Variants in BCO2 observed in about 807,000 individuals in gnomAD.
BCO2 encodes beta-carotene oxygenase 2.
In BCO2, 56 loss-of-function variants were observed where a neutral mutation model predicts 65.8. The observed-to-expected ratio is 0.85, with a 90% CI of 0.69 to 1.06. The LOEUF (loss-of-function observed/expected upper bound fraction) is 1.06, where lower values mean the gene tolerates loss of function less well. BCO2 is among the 50% of genes least tolerant of loss of function. The pLI is 0.00. For synonymous variants in BCO2, 233 were observed against 242.3 expected (o/e 0.96, Z 0.36); for missense variants, 675 against 698.5 (o/e 0.97, Z 0.38).
Position 112,199,792 on chromosome 11 carries a change from C to G in BCO2, c.830C>G (p.Thr277Arg), listed in dbSNP as rs202014484. Residue 277 changes from threonine (T) to arginine (R), a missense_variant, in exon 6 of 12, where the codon ACA (threonine) becomes AGA (arginine). By Grantham distance (71) the Thr-to-Arg change is moderately conservative. Transcript: ENST00000357685. ...CAGGTGATATGTTCTATTGCTTCTACAGAGAAAGGGAAACCTTCTTACTAC... is the reference window on the plus strand; with the variant it reads ...CAGGTGATATGTTCTATTGCTTCTAGAGAGAAAGGGAAACCTTCTTACTAC... ...GVQVICSIAS[T>R]EKGKPSYYHS... 2.4e-4 allele frequency: 388 copies of G among 1,613,894 alleles called. No homozygotes were observed. Among genetic ancestry groups the G allele is most frequent in the Middle Eastern group, 1.3e-3 (8 of 6,084 alleles).
intron 11 of BCO2, among the ~76,000 whole-genome samples, chr11:112,217,243 C>T (rs891417224): frequency 4.6e-5 from 7 of 152,358 alleles, no homozygotes; most frequent in African/African-American, 1.7e-4. Context: ...ATATCCTTTC[C>T]AGTCCAGTTC....
intron 8 of BCO2, among the ~76,000 whole-genome samples, chr11:112,211,641 T>A (rs190627499): frequency 3.9e-5 from 6 of 152,292 alleles, no homozygotes; most frequent in East Asian, 3.9e-4. Flanking sequence ...TTCTGGGTTT[T>A]AAAAAAATAA....
intron 8 of BCO2, among the ~76,000 whole-genome samples, chr11:112,206,606 A>T (rs1859348606): frequency 6.6e-6 from 1 of 152,240 alleles, no homozygotes; most frequent in Non-Finnish European, 1.5e-5. Flanking sequence ...AAAAAAATTT[A>T]AAAATATACA....
chr11:112,181,796 CA>C (rs1867058378), intron 2 of BCO2: 2 of 846,824 alleles, frequency 2.4e-6, no homozygotes, highest in Non-Finnish European at 2.1e-6. Flanking sequence ...ACATTCACTT[CA>C]AAATGGCCAG....
chr11:112,193,415 T>C, intron 2 of BCO2, 59 bp from the exon 3 acceptor site: 1 of 1,415,464 alleles, frequency 7.1e-7, no homozygotes, highest in Non-Finnish European at 9.9e-7. Context: ...TATCACTCTG[T>C]CCCTCATTTT....
At chr11:112,192,949 G>T (rs1347562742) in intron 2 of BCO2, among the ~76,000 whole-genome samples, 2 of 4,982 alleles carry the variant, frequency 4.0e-4, no homozygotes, top group Non-Finnish European at 1.3e-3. Context: ...TTTTTGACAG[G>T]GGTAAGGGTC....
rs539947425 is a variant in BCO2, at chr11:112,179,465, C to A, written c.276C>A (p.Phe92Leu). 183 of 1,613,948 alleles carry A rather than the reference C, an allele frequency of 1.1e-4. 2 individuals carry two copies. The South Asian group carries it at 1.9e-3, about 17-fold the overall frequency. ...GSLLRIGPGK[F>L]EFGKDKYNHW... ...TACTTCGAATTGGACCTGGGAAATT[C>A]GAGTTTGGGAAGGATAAGTAAGCCT... Residue 92 changes from phenylalanine to leucine, a missense_variant, in exon 2 of 12, where the codon TTC (phenylalanine) becomes TTA (leucine). Phe to Leu is a conservative substitution (Grantham distance 22). Coordinates refer to ENST00000357685, the MANE Select transcript of BCO2 (RefSeq NM_031938.7).
intron 8 of BCO2, among the ~76,000 whole-genome samples, chr11:112,211,910 T>TACC: frequency 6.6e-6 from 1 of 152,354 alleles, no homozygotes; most frequent in East Asian, 1.9e-4. Flanking sequence ...GGGTAGTTGA[T>TACC]CCATATAATG....
intron 5 of BCO2, among the ~76,000 whole-genome samples, chr11:112,198,026 C>A (rs1867628412): frequency 6.6e-6 from 1 of 152,218 alleles, no homozygotes; most frequent in Non-Finnish European, 1.5e-5. Context: ...TTTAAAGTTG[C>A]AAACAGTAGC....
intron 2 of BCO2, among the ~76,000 whole-genome samples, chr11:112,182,708 T>TG (rs1867088211): frequency 1.6e-5 from 2 of 125,374 alleles, no homozygotes. Flanking sequence ...TGTCATGGGG[T>TG]GGGGGGAGCA....
At chr11:112,216,456 C>A in intron 11 of BCO2, 126 bp downstream of exon 11, 2 of 644,714 alleles carry the variant, frequency 3.1e-6, no homozygotes, top group Non-Finnish European at 5.4e-6. Flanking sequence ...CCCCTCCTTA[C>A]TATTTACATA....
intron 8 of BCO2, among the ~76,000 whole-genome samples, chr11:112,211,319 TACACAC>T (rs71060232): frequency 3.1e-3 from 401 of 128,480 alleles, no homozygotes; most frequent in African/African-American, 6.7e-3. Flanking sequence ...TTCGATTGTA[TACACAC>T]ACACACACAC....
At chr11:112,181,744 T>G in intron 2 of BCO2, 1 of 869,446 alleles carries the variant, frequency 1.2e-6, no homozygotes, top group Non-Finnish European at 2.0e-6. Context: ...TGCCAGGGTT[T>G]GAACTTCAGT....
At chr11:112,193,401 G>A (rs1736678879) in intron 2 of BCO2, 73 bp from the exon 3 acceptor site, 11 of 1,302,608 alleles carry the variant, frequency 8.4e-6, no homozygotes, top group Non-Finnish European at 1.2e-5. Context: ...TTGAAATGAA[G>A]ATCTATCACT....
In BCO2 at chr11:112,218,587, T is replaced by C; in HGVS notation, c.*713T>C. ...TGATGACAACAAGAAACCAGAGGAA[T>C]GGGTAGGCCTCTGTAAAACTGAGAG... On this transcript the variant is annotated 3_prime_UTR_variant, in exon 12 of 12. Coordinates refer to ENST00000357685, the MANE Select transcript of BCO2 (RefSeq NM_031938.7). 4.4e-6 allele frequency: 1 copy of C among 225,116 alleles called. No homozygotes were observed. Among genetic ancestry groups the C allele is most frequent in the African/African-American group, 2.3e-5 (1 of 43,682 alleles). 13.9% of individuals were successfully genotyped at this position (225,116 alleles called of 1,614,324 possible).
chr11:112,203,862 CT>C (rs927152011), intron 8 of BCO2, among the ~76,000 whole-genome samples: 5 of 147,712 alleles, frequency 3.4e-5, no homozygotes, highest in African/African-American at 2.5e-5. Context: ...TTTTTCTTTT[CT>C]TTTTTTTTTG....
At chr11:112,188,660 G>A (rs1162101769) in intron 2 of BCO2, among the ~76,000 whole-genome samples, 1 of 151,892 alleles carries the variant, frequency 6.6e-6, no homozygotes, top group African/African-American at 2.4e-5. Flanking sequence ...GCAATTGGCA[G>A]ACATCCGTAA....
intron 2 of BCO2, chr11:112,179,861 G>C (rs1866986181): frequency 8.5e-6 from 2 of 235,864 alleles, no homozygotes; most frequent in Non-Finnish European, 1.7e-5. Context: ...CTCAAACTGG[G>C]CACAGTTGTA....
intron 5 of BCO2, among the ~76,000 whole-genome samples, chr11:112,198,282 C>T (rs1044373212): frequency 5.3e-5 from 8 of 151,788 alleles, no homozygotes; most frequent in African/African-American, 1.7e-4. Flanking sequence ...ATGATCACAC[C>T]ACTGTACTCC....
Sources: allele counts gnomAD v4.1 joint callset (sites outside exome capture counted in the v4.1 genomes callset), GRCh38; gene constraint gnomAD v4.1.1; transcripts MANE v1.5; gene names NCBI Gene and HGNC (gene_info 2026-07-23, HGNC 2026-07-21).